The following MOSPD1 variants were observed in gnomAD, a reference collection of about 807,000 sequenced individuals.
MOSPD1 encodes motile sperm domain-containing protein 1.
A neutral mutation model predicts 16.7 loss-of-function variants in MOSPD1; 5 were observed. The observed-to-expected ratio is 0.30, with a 90% confidence interval of 0.16 to 0.63. The LOEUF (loss-of-function observed/expected upper bound fraction) is 0.63, where lower values mean the gene tolerates loss of function less well. Among genes scored for constraint, MOSPD1 ranks in the 30% least tolerant of loss-of-function variants. The probability of loss-of-function intolerance (pLI) is 0.82; values close to 1 mark genes in which losing one functional copy is unlikely to be tolerated. For missense variants in MOSPD1, 104 were observed against 153.6 expected, an observed-to-expected ratio of 0.68 and a Z score of 1.71; for synonymous variants, 67 against 59.2, an observed-to-expected ratio of 1.13 and a Z score of -0.61.
chrX:134,894,383 G>A (rs756779324), intron 4 of MOSPD1, among the ~76,000 whole-genome samples: 5 of 111,531 alleles, frequency 4.5e-5, no homozygotes, highest in East Asian at 5.6e-4. Flanking sequence ...TTAATAATAC[G>A]CATTTGTTGA....
At chrX:134,890,606 C>T (rs936123951) in intron 5 of MOSPD1, among the ~76,000 whole-genome samples, 7 of 110,340 alleles carry the variant, frequency 6.3e-5, no homozygotes, top group African/African-American at 2.3e-4. Context: ...GTCGGGAGTT[C>T]GAGACCACCC....
At chrX:134,891,755 G>A in intron 4 of MOSPD1, 115 bp from the exon 5 acceptor site, 1 of 732,059 alleles carries the variant, frequency 1.4e-6, no homozygotes, top group Non-Finnish European at 2.0e-6. Flanking sequence ...TTCTCCAATT[G>A]TTTCCCCATC....
intron 1 of MOSPD1, among the ~76,000 whole-genome samples, chrX:134,912,650 A>T (rs1422106860): frequency 9.0e-6 from 1 of 110,548 alleles, no homozygotes; most frequent in Admixed American, 9.7e-5. Flanking sequence ...TAATCAAAAA[A>T]AAAAACTGGC....
intron 1 of MOSPD1, among the ~76,000 whole-genome samples, chrX:134,909,753 A>AAT (rs2082961350): frequency 9.0e-6 from 1 of 111,718 alleles, no homozygotes; most frequent in Non-Finnish European, 1.9e-5. Context: ...TTCATTGCTT[A>AAT]ATATTTGACA....
intron 1 of MOSPD1, among the ~76,000 whole-genome samples, chrX:134,904,420 T>G (rs1448872567): frequency 8.9e-6 from 1 of 112,413 alleles, no homozygotes; most frequent in Admixed American, 9.4e-5. Context: ...GGGATTTATC[T>G]GGCATATATA....
At chrX:134,914,610 C>T (rs1157188082) in intron 1 of MOSPD1, among the ~76,000 whole-genome samples, 2 of 111,987 alleles carry the variant, frequency 1.8e-5, no homozygotes, top group Non-Finnish European at 3.8e-5. Flanking sequence ...CGTTCGCTCT[C>T]CCCTCCCCGC....
intron 1 of MOSPD1, among the ~76,000 whole-genome samples, chrX:134,903,469 T>C (rs1441633320): frequency 9.1e-6 from 1 of 109,829 alleles, no homozygotes; most frequent in African/African-American, 3.3e-5. Flanking sequence ...CCTAGTGCTT[T>C]GGGAGGCCGA....
At chrX:134,895,582 CCTT>C (rs1376726377) in intron 4 of MOSPD1, among the ~76,000 whole-genome samples, 1 of 111,032 alleles carries the variant, frequency 9.0e-6, no homozygotes, top group African/African-American at 3.3e-5. Flanking sequence ...AATTAAATGG[CCTT>C]CTTTGTACTA....
chrX:134,897,998 A>C (rs2082894376), intron 3 of MOSPD1, among the ~76,000 whole-genome samples: 1 of 110,125 alleles, frequency 9.1e-6, no homozygotes, highest in South Asian at 3.9e-4. Flanking sequence ...CCTCCCAAGT[A>C]GCTGGGATTA....
chrX:134,895,782 G>A (rs1039990485), intron 4 of MOSPD1, among the ~76,000 whole-genome samples: 9 of 110,290 alleles, frequency 8.2e-5, no homozygotes, highest in African/African-American at 2.6e-4. Flanking sequence ...AAGTAATTGC[G>A]GATTTTGCAA....
chrX:134,910,277 C>T (rs1403768748), intron 1 of MOSPD1, among the ~76,000 whole-genome samples: 1 of 110,640 alleles, frequency 9.0e-6, no homozygotes, highest in African/African-American at 3.3e-5. Context: ...TGGTGGCGGG[C>T]GCCTGTAATC....
chrX:134,904,737 C>T (rs1481957516), intron 1 of MOSPD1, among the ~76,000 whole-genome samples: 1 of 109,980 alleles, frequency 9.1e-6, no homozygotes, highest in Non-Finnish European at 1.9e-5. Flanking sequence ...TGGTACACAC[C>T]TGTAATCCCA....
At chrX:134,894,168 T>C (rs1295135051) in intron 4 of MOSPD1, among the ~76,000 whole-genome samples, 1 of 112,262 alleles carries the variant, frequency 8.9e-6, no homozygotes, top group Non-Finnish European at 1.9e-5. Context: ...ATGGAACACT[T>C]ATATAAGCAG....
intron 1 of MOSPD1, among the ~76,000 whole-genome samples, chrX:134,901,480 T>C (rs1051133705): frequency 9.1e-6 from 1 of 110,377 alleles, no homozygotes; most frequent in African/African-American, 3.3e-5. Context: ...GAAGCCCCCG[T>C]CTCTACTAAA....
At chrX:134,892,211 A>G (rs1286901891) in intron 4 of MOSPD1, among the ~76,000 whole-genome samples, 1 of 111,867 alleles carries the variant, frequency 8.9e-6, no homozygotes, top group Non-Finnish European at 1.9e-5. Context: ...CCCGCTATCA[A>G]TTTTGAAAAT....
At chrX:134,903,726 A>G (rs6635020) in intron 1 of MOSPD1, among the ~76,000 whole-genome samples, 8,993 of 102,610 alleles carry the variant, frequency 0.088, 538 homozygotes, top group East Asian at 0.21. Context: ...AAAAAAAAAA[A>G]AAAGAAAGAA....
chrX:134,889,345 TATC>T (rs1325735200), intron 5 of MOSPD1, among the ~76,000 whole-genome samples, 153 bp from the exon 6 acceptor site: 4 of 112,558 alleles, frequency 3.6e-5, no homozygotes, highest in Non-Finnish European at 7.5e-5. Context: ...ATTTTGTTGA[TATC>T]ATAAAGAAGA....
chrX:134,900,735 C>T (rs180676628), intron 1 of MOSPD1, among the ~76,000 whole-genome samples: 2 of 109,276 alleles, frequency 1.8e-5, no homozygotes, highest in Admixed American at 9.8e-5. Flanking sequence ...ACCAAGTGTG[C>T]CTTTTTTTTT....
chrX:134,896,724 G>T, intron 4 of MOSPD1, 93 bp downstream of exon 4: 1 of 665,663 alleles, frequency 1.5e-6, no homozygotes, highest in Non-Finnish European at 2.3e-6. Context: ...AGTGGTAGAT[G>T]ATTTTTCTAG....
Sources: allele counts gnomAD v4.1 joint callset (sites outside exome capture counted in the v4.1 genomes callset), GRCh38; gene constraint gnomAD v4.1.1; transcripts MANE v1.5; gene names NCBI Gene and HGNC (gene_info 2026-07-23, HGNC 2026-07-21).